The following GALNT16 variants were observed in gnomAD, a reference collection of about 807,000 sequenced individuals.
GALNT16 encodes UDP-GalNAc:polypeptide N-acetylgalactosaminyltransferase-like protein 1.
In GALNT16, 40 loss-of-function variants were observed where a neutral mutation model predicts 76.1. The observed-to-expected ratio is 0.53, with a 90% CI of 0.41 to 0.68. The LOEUF (loss-of-function observed/expected upper bound fraction) is 0.68. Among genes scored for constraint, GALNT16 ranks in the 30% least tolerant of loss-of-function variants. GALNT16 has a pLI of 0.00. For synonymous variants in GALNT16, 276 were observed against 285.2 expected, an observed-to-expected ratio of 0.97 and a Z score of 0.32; for missense variants, 621 against 731.9, an observed-to-expected ratio of 0.85 and a Z score of 1.75.
intron 12 of GALNT16, among the ~76,000 whole-genome samples, chr14:69,342,002 T>TC (rs2140192402): frequency 6.6e-6 from 1 of 152,264 alleles, no homozygotes; most frequent in East Asian, 1.9e-4. Context: ...ATGGACGTTA[T>TC]CCCCTTAGGA....
intron 1 of GALNT16, among the ~76,000 whole-genome samples, chr14:69,312,099 A>C (rs111417943): frequency 6.6e-6 from 1 of 151,080 alleles, no homozygotes; most frequent in Non-Finnish European, 1.5e-5. Context: ...CTATCTATCT[A>C]TCTATATCTA....
At chr14:69,294,287 A>C (rs2044725428) in intron 1 of GALNT16, among the ~76,000 whole-genome samples, 1 of 151,882 alleles carries the variant, frequency 6.6e-6, no homozygotes, top group Non-Finnish European at 1.5e-5. Context: ...GCGCCTGGCT[A>C]AGTTTTGTAT....
intron 1 of GALNT16, among the ~76,000 whole-genome samples, chr14:69,316,133 C>G (rs933002777): frequency 5.9e-5 from 9 of 152,116 alleles, no homozygotes; most frequent in Admixed American, 5.9e-4. Context: ...GGACAGGGGA[C>G]AGTGAATGAC....
chr14:69,275,456 A>G (rs1204724404), intron 1 of GALNT16, among the ~76,000 whole-genome samples: 1 of 152,260 alleles, frequency 6.6e-6, no homozygotes, highest in African/African-American at 2.4e-5. Context: ...ATGATTTAGT[A>G]TGATACCATT....
At chr14:69,331,319 AG>A (rs2045348955) in intron 6 of GALNT16, 144 bp from the exon 7 acceptor site, 1 of 639,844 alleles carries the variant, frequency 1.6e-6, no homozygotes, top group South Asian at 1.8e-5. Context: ...GGAGCCTGCC[AG>A]GGTTGAGGGG....
At chr14:69,359,154 T>C (rs1246405879), downstream of GALNT16, 1 of 152,268 alleles carries the variant, frequency 6.6e-6, no homozygotes, top group Non-Finnish European at 1.5e-5. Flanking sequence ...TTCTCTAGTC[T>C]TGTCCTCTTT....
At chr14:69,334,469 A>G (rs1201412305) in intron 9 of GALNT16, among the ~76,000 whole-genome samples, 1 of 152,226 alleles carries the variant, frequency 6.6e-6, no homozygotes, top group Non-Finnish European at 1.5e-5. Context: ...AAGGGTGAGC[A>G]TCAGTTAGGG....
At chr14:69,362,109 T>C in the GALNT16 span, among the ~76,000 whole-genome samples, 7 of 152,198 alleles carry the variant, frequency 4.6e-5, no homozygotes, top group Non-Finnish European at 7.3e-5. Context: ...CTGGAGGCGA[T>C]TGCGAATGGT....
In GALNT16 at chr14:69,339,621, T is replaced by C; in HGVS notation, c.1187+2T>C. 3.8e-6 allele frequency: 6 copies of C among 1,580,004 alleles called. No homozygotes were observed. Among genetic ancestry groups the C allele is most frequent in the Non-Finnish European group, 5.2e-6 (6 of 1,154,822 alleles). On this transcript the variant is annotated splice_donor_variant, in intron 11 of 14. Coordinates refer to ENST00000448469, the MANE Select transcript of GALNT16 (RefSeq NM_001168368.2). LOFTEE classifies it high-confidence loss of function. ...GGCCATCGGGAAGGCCTTCGGCAGG[T>C]GGGCCCCCCCAGCTCCACTGTCTGA...
At chr14:69,330,115 AT>A (rs1880521268) in intron 6 of GALNT16, among the ~76,000 whole-genome samples, 2 of 152,108 alleles carry the variant, frequency 1.3e-5, no homozygotes, top group African/African-American at 4.8e-5. Context: ...ATGAAAACAT[AT>A]GTTCACACAA....
the GALNT16 span, among the ~76,000 whole-genome samples, chr14:69,381,118 C>T: frequency 8.5e-5 from 13 of 152,264 alleles, no homozygotes; most frequent in East Asian, 2.5e-3. Flanking sequence ...CTTGTCTCTA[C>T]TAAAATACAA....
At chr14:69,318,274 G>T (rs1200482737) in intron 1 of GALNT16, among the ~76,000 whole-genome samples, 2 of 152,190 alleles carry the variant, frequency 1.3e-5, no homozygotes, top group African/African-American at 4.8e-5. Flanking sequence ...CATCTTTGAG[G>T]ATGTGTAACT....
At chr14:69,380,462 C>T in the GALNT16 span, 2 of 786,410 alleles carry the variant, frequency 2.5e-6, no homozygotes, top group Non-Finnish European at 4.5e-6. Flanking sequence ...TACTATGATA[C>T]AAAACTTCCA....
At chr14:69,381,142 AT>A in the GALNT16 span, among the ~76,000 whole-genome samples, 1 of 152,154 alleles carries the variant, frequency 6.6e-6, no homozygotes, top group African/African-American at 2.4e-5. Context: ...TTAGCTGGGC[AT>A]GGTGGTGCAC....
intron 1 of GALNT16, among the ~76,000 whole-genome samples, chr14:69,300,928 G>A (rs1328049434): frequency 1.3e-5 from 2 of 152,130 alleles, no homozygotes; most frequent in Non-Finnish European, 2.9e-5. Flanking sequence ...GCTTTTCAGC[G>A]GTACTCAGAG....
At chr14:69,342,329 G>A (rs2045499020) in intron 12 of GALNT16, among the ~76,000 whole-genome samples, 1 of 151,436 alleles carries the variant, frequency 6.6e-6, no homozygotes, top group Admixed American at 6.6e-5. Flanking sequence ...ACACCTATGA[G>A]TGGGAGGATC....
At chr14:69,260,806 T>A (rs1291148402) in intron 1 of GALNT16, among the ~76,000 whole-genome samples, 7 of 151,588 alleles carry the variant, frequency 4.6e-5, no homozygotes, top group Non-Finnish European at 7.4e-5. Context: ...GAGCCTCGTG[T>A]GCCCCGGAAG....
At chr14:69,296,728 TGATAGATAGATAGATAGATA>T (rs141440096) in intron 1 of GALNT16, among the ~76,000 whole-genome samples, 6 of 141,956 alleles carry the variant, frequency 4.2e-5, no homozygotes, top group African/African-American at 1.1e-4. Flanking sequence ...GACAGATAGA[TGATAGATAGATAGATAGATA>T]GATAGATAGA....
At chr14:69,386,131 G>C in the GALNT16 span, among the ~76,000 whole-genome samples, 1 of 152,178 alleles carries the variant, frequency 6.6e-6, no homozygotes, top group Non-Finnish European at 1.5e-5. Flanking sequence ...GGAACACAAT[G>C]AAGAGGTACA....
Sources: allele counts gnomAD v4.1 joint callset (sites outside exome capture counted in the v4.1 genomes callset), GRCh38; gene constraint gnomAD v4.1.1; transcripts MANE v1.5; gene names NCBI Gene and HGNC (gene_info 2026-07-23, HGNC 2026-07-21).